Variants in EFHB observed in about 807,000 individuals in gnomAD.
EFHB encodes EF-hand domain-containing family member B.
In EFHB, 91 loss-of-function variants were observed where a neutral mutation model predicts 87.2. The ratio of observed to expected loss-of-function variants is 1.04; its 90% confidence interval spans 0.88 to 1.24. The LOEUF (loss-of-function observed/expected upper bound fraction) is 1.24. Ranked by LOEUF, EFHB falls within the 50% of genes most tolerant of loss-of-function variation. The pLI, the probability that EFHB is intolerant of heterozygous loss-of-function variation, is 0.00. For missense variants in EFHB, 1,084 were observed against 998.8 expected, an observed-to-expected ratio of 1.09 and a Z score of -1.15; for synonymous variants, 325 against 333.6, an observed-to-expected ratio of 0.97 and a Z score of 0.28.
intron 1 of EFHB, chr3:19,945,866 C>T (rs910642233): frequency 2.0e-5 from 3 of 152,158 alleles, no homozygotes; most frequent in African/African-American, 7.2e-5. Context: ...TACCTTAACC[C>T]GGTACACTTC....
chr3:19,913,663 A>G (rs1695133686), intron 5 of EFHB, among the ~76,000 whole-genome samples: 1 of 152,200 alleles, frequency 6.6e-6, no homozygotes, highest in South Asian at 2.1e-4. Flanking sequence ...CAAATTACCA[A>G]TGACATCCTT....
At chr3:19,896,468 G>T in intron 9 of EFHB, 1 of 638,908 alleles carries the variant, frequency 1.6e-6, no homozygotes, top group South Asian at 1.8e-5. Context: ...TACAGTTTTT[G>T]TTGCTACTAC....
At chr3:19,926,272 T>C (rs554119307) in intron 1 of EFHB, among the ~76,000 whole-genome samples, 42 of 152,326 alleles carry the variant, frequency 2.8e-4, no homozygotes, top group African/African-American at 1.0e-3. Context: ...ATGCAGGTAG[T>C]ATGTAATTTT....
intron 9 of EFHB, among the ~76,000 whole-genome samples, chr3:19,889,594 A>T (rs1404023012): frequency 2.0e-5 from 3 of 152,222 alleles, no homozygotes; most frequent in Non-Finnish European, 4.4e-5. Context: ...GACTCGATGA[A>T]TTATAAATTC....
chr3:19,929,001 A>G (rs1695730502), intron 1 of EFHB, among the ~76,000 whole-genome samples: 1 of 152,178 alleles, frequency 6.6e-6, no homozygotes, highest in Admixed American at 6.5e-5. Flanking sequence ...AAACATATGG[A>G]GCAATTTTCA....
chr3:19,945,961 A>AT (rs1696268040), intron 1 of EFHB: 1 of 152,130 alleles, frequency 6.6e-6, no homozygotes, highest in African/African-American at 2.4e-5. Flanking sequence ...AGGAAAATCA[A>AT]TTTAATATTC....
chr3:19,938,966 G>A (rs1400413844), upstream of EFHB, among the ~76,000 whole-genome samples: 2 of 152,152 alleles, frequency 1.3e-5, no homozygotes, highest in Admixed American at 6.5e-5. Context: ...CAGTGCAGTG[G>A]CACAATCTTG....
At chr3:19,901,432 A>T (rs1444170599) in intron 6 of EFHB, among the ~76,000 whole-genome samples, 1 of 152,200 alleles carries the variant, frequency 6.6e-6, no homozygotes, top group East Asian at 1.9e-4. Flanking sequence ...TTAAAACTCC[A>T]TTTGCTTTTC....
chr3:19,904,499 C>G (rs1575014506), intron 6 of EFHB, among the ~76,000 whole-genome samples: 1 of 152,222 alleles, frequency 6.6e-6, no homozygotes, highest in East Asian at 1.9e-4. Context: ...CCACCACACC[C>G]AGCCCATTCT....
intron 1 of EFHB, among the ~76,000 whole-genome samples, chr3:19,932,041 C>G (rs1167251541): frequency 6.6e-6 from 1 of 152,150 alleles, no homozygotes; most frequent in Admixed American, 6.5e-5. Context: ...TCATTTGCCA[C>G]CAAACCCAAA....
intron 11 of EFHB, among the ~76,000 whole-genome samples, chr3:19,883,376 A>G (rs1057083981): frequency 6.6e-6 from 1 of 152,236 alleles, no homozygotes; most frequent in African/African-American, 2.4e-5. Flanking sequence ...AACACAGTCT[A>G]ACGAGAGTAA....
At chr3:19,896,534 G>A (rs1428177723) in intron 9 of EFHB, 153 bp downstream of exon 9, 1 of 1,011,470 alleles carries the variant, frequency 9.9e-7, no homozygotes, top group African/African-American at 1.6e-5. Flanking sequence ...AAACAACACA[G>A]GCGTGATTGT....
upstream of EFHB, among the ~76,000 whole-genome samples, chr3:19,937,175 A>C (rs529571129): frequency 6.6e-6 from 1 of 151,820 alleles, no homozygotes; most frequent in African/African-American, 2.4e-5. Flanking sequence ...TCAAAAAAAA[A>C]CACAAAAAAC....
chr3:19,895,291 C>G (rs558864061), intron 9 of EFHB, among the ~76,000 whole-genome samples: 50 of 151,590 alleles, frequency 3.3e-4, no homozygotes, highest in Non-Finnish European at 6.0e-4. Flanking sequence ...ACCATCCTGG[C>G]TAACACGGTG....
intron 9 of EFHB, among the ~76,000 whole-genome samples, chr3:19,895,266 G>A (rs965270932): frequency 7.9e-5 from 12 of 151,722 alleles, no homozygotes; most frequent in African/African-American, 2.9e-4. Flanking sequence ...TGGGTCACGA[G>A]GTCAGGAGAT....
intron 1 of EFHB, among the ~76,000 whole-genome samples, chr3:19,943,863 A>G (rs568716698): frequency 6.6e-6 from 1 of 152,260 alleles, no homozygotes; most frequent in Non-Finnish European, 1.5e-5. Flanking sequence ...AACGATGCGT[A>G]ATATCATATC....
rs764281686 is a variant in EFHB, at chr3:19,884,588, G to C, written c.1961C>G (p.Thr654Ser). 2 of 1,613,902 alleles carry C rather than the reference G, an allele frequency of 1.2e-6. No homozygotes were observed. Among genetic ancestry groups the C allele is most frequent in the Non-Finnish European group, 1.7e-6 (2 of 1,179,852 alleles). Residue 654 changes from threonine (T) to serine (S), a missense_variant, in exon 11 of 13, where the codon ACT (threonine) becomes AGT (serine). Thr to Ser is a moderately conservative substitution (Grantham distance 58). Coordinates refer to ENST00000295824, the MANE Select transcript of EFHB (RefSeq NM_144715.4). ...KGRKPDCVNP[T>S]EANVEEPEQT... ...TTCAGGTTCTTCAACATTAGCCTCA[G>C]TAGGGTTTACACAATCTGGTTTTCT...
chr3:19,939,719 A>T (rs577350749), intron 1 of EFHB, among the ~76,000 whole-genome samples: 1 of 109,712 alleles, frequency 9.1e-6, no homozygotes, highest in African/African-American at 3.8e-5. Context: ...ATAGCACCTC[A>T]AACTTATTTG....
upstream of EFHB, among the ~76,000 whole-genome samples, chr3:19,935,953 T>A (rs1304787356): frequency 8.4e-6 from 1 of 118,548 alleles, no homozygotes; most frequent in Non-Finnish European, 1.6e-5. Context: ...GAGGTTGCAG[T>A]AAGCCGAGAT....
Sources: gnomAD v4.1 joint callset for allele counts (sites outside exome capture counted in the v4.1 genomes callset) on GRCh38, gnomAD v4.1.1 for gene constraint, MANE v1.5 for transcripts, NCBI Gene and HGNC (gene_info 2026-07-23, HGNC 2026-07-21) for gene names.